Variants in CACNA1H observed in about 807,000 individuals in gnomAD.
CACNA1H encodes the protein voltage-dependent T-type calcium channel subunit alpha-1H.
Under a neutral mutation model 192.5 loss-of-function variants are expected in CACNA1H, and 149 were observed. The ratio of observed to expected loss-of-function variants is 0.77; its 90% CI spans 0.68 to 0.89. The LOEUF (loss-of-function observed/expected upper bound fraction) is 0.89. Ranked by LOEUF, CACNA1H falls within the 40% of genes least tolerant of loss-of-function variation. The pLI, the probability that CACNA1H is intolerant of heterozygous loss-of-function variation, is 0.00. For synonymous variants in CACNA1H, 2,202 were observed against 1,475.2 expected (o/e 1.49, Z -11.29); for missense variants, 4,257 against 3,423.5 (o/e 1.24, Z -6.08).
In CACNA1H at chr16:1,212,098, AGAG is replaced by A. The variant is rs1447090901; in HGVS notation, c.4723_4725del (p.Glu1575del). ...AGGAGGCGGAGGAGGCGCGGCGGCG[AGAG>A]GAGAAGCGGCTGCGGCGCCTAGAGA... On this transcript the variant is annotated inframe_deletion, in exon 25 of 35. Transcript: ENST00000348261. The A allele has an allele frequency of 3.1e-6, 5 of 1,611,316 alleles. No homozygotes were observed. The highest frequency in any genetic ancestry group is 2.2e-5 in the East Asian group (1 of 44,876).
In CACNA1H at chr16:1,209,364, C is replaced by T. The variant is rs749776546; in HGVS notation, c.3696C>T (p.Ile1232=). The stretch of plus-strand genomic sequence containing the variant: ...TGCCCAGCGACTTCTTCCTGCGCAT[C>T]GACAGCCACCGTGAGGATGCAGCCG... ...VALPSDFFLR[I]DSHREDAAEL... Residue 1232 remains isoleucine (I), a synonymous_variant, in exon 17 of 35, where the codon ATC becomes ATT. Coordinates refer to ENST00000348261, the MANE Select transcript of CACNA1H (RefSeq NM_021098.3). The T allele has an allele frequency of 1.6e-5, 26 of 1,598,024 alleles. No homozygotes were observed. The highest frequency in any genetic ancestry group is 9.9e-5 in the South Asian group (9 of 91,076).
Position 1,218,381 on chromosome 16 carries a change from G to A in CACNA1H, c.5617G>A (p.Asp1873Asn). The change falls in exon 33 of 35, where the codon GAT becomes AAT. Residue 1873 changes from aspartate (D) to asparagine (N), a missense_variant. Coordinates refer to ENST00000348261, the MANE Select transcript of CACNA1H (RefSeq NM_021098.3). ...GGAGAGCAACAAGGAGGCACGGGAGGATGCGGAGCTGGACGCCGAGATCGA... is the reference window on the plus strand; with the variant it reads ...GGAGAGCAACAAGGAGGCACGGGAGAATGCGGAGCTGGACGCCGAGATCGA... ...LEESNKEARE[D>N]AELDAEIELE... 6.4e-7 allele frequency: 1 copy of A among 1,561,122 alleles called. No individual in the cohort carries two copies. The highest frequency in any genetic ancestry group is 1.2e-5 in the South Asian group (1 of 84,528).
chr16:1,217,992 C>CA lies in CACNA1H; in HGVS notation c.5398dup (p.Thr1800AsnfsTer25). ...TCAGCAACTTCGGCATGGCCTTCCT[C>CA]ACGCTGTTCCGCGTGTCCACGGGGG... On this transcript the variant is annotated frameshift_variant, in exon 32 of 35. Coordinates refer to ENST00000348261, the MANE Select transcript of CACNA1H (RefSeq NM_021098.3). LOFTEE classifies it high-confidence loss of function. 6.2e-7 allele frequency: 1 copy of CA among 1,603,354 alleles called. No homozygotes were observed. The highest frequency in any genetic ancestry group is 8.5e-7 in the Non-Finnish European group (1 of 1,175,612).
rs1965341367 is a variant in CACNA1H, at chr16:1,180,344, C to G, written c.300-14628C>G. Among the ~76,000 whole-genome samples the G allele has an allele frequency of 6.6e-6, 1 of 152,192 alleles. No homozygotes were observed. The highest frequency in any genetic ancestry group is 2.4e-5 in the African/African-American group (1 of 41,444). Reference sequence around the variant, plus strand: ...GCTGCTGTGGGCTGGGGAGGACGGTCCCATAGCTGGGGGCAGAGCAGGGCA... The same window carrying G: ...GCTGCTGTGGGCTGGGGAGGACGGTGCCATAGCTGGGGGCAGAGCAGGGCA... On this transcript the variant is annotated intron_variant, in intron 2 of 34. Coordinates refer to ENST00000348261, the MANE Select transcript of CACNA1H (RefSeq NM_021098.3). The surrounding 1 kb of genome is among the most constrained non-coding windows in gnomAD (Gnocchi z 4.4).
At chr16:1,178,745 G>A (rs531608659) in intron 2 of CACNA1H, among the ~76,000 whole-genome samples, 5 of 152,216 alleles carry the variant, frequency 3.3e-5, no homozygotes, top group Non-Finnish European at 7.4e-5. Context: ...GAGCTCCTGG[G>A]CAGGTTGGGC....
At position 1,210,667 on chromosome 16, in the gene CACNA1H, G is replaced by A. The variant is rs1414518609; in HGVS notation, c.4038+16G>A. On this transcript the variant is annotated intron_variant, in intron 20 of 34. Transcript: ENST00000348261. ...GATGGTGAAGGTACCGCGGGGCCCG[G>A]GGACTGCCCTTGTTCCCAGGTCCCC... The A allele has an allele frequency of 1.3e-6, 2 of 1,599,652 alleles. No individual in the cohort carries two copies. Among genetic ancestry groups the A allele is most frequent in the Non-Finnish European group, 1.7e-6 (2 of 1,178,944 alleles).
In CACNA1H at chr16:1,168,162, G is replaced by A. The variant is rs373895439; in HGVS notation, c.299+14126G>A. 5.3e-5 allele frequency among the ~76,000 whole-genome samples: 8 copies of A among 151,926 alleles called. No individual in the cohort carries two copies. The East Asian group carries it at 1.4e-3, about 26-fold the overall frequency. ...GACCAGGGCGGCCTCTGGTGCCCCC[G>A]CCCCCTCCAGTTGGGGCGGTTGATG... is the stretch of plus-strand genomic sequence containing the variant. On this transcript the variant is annotated intron_variant, in intron 2 of 34. Coordinates refer to ENST00000348261, the MANE Select transcript of CACNA1H (RefSeq NM_021098.3).
rs1262454591 is a variant in CACNA1H at position 1,153,788 on chromosome 16, G to A, written c.51G>A (p.Ala17=). 1 of 1,229,238 alleles carries A rather than the reference G, an allele frequency of 8.1e-7. No individual in the cohort carries two copies. 76.1% of individuals were successfully genotyped at this position (1,229,238 alleles called of 1,614,324 possible). The part of the protein sequence containing the change: ...AADEVRVPLG[A]PPPGPAALVG... Reference sequence around the variant, plus strand: ...ACGAGGTCCGGGTGCCCCTGGGCGCGCCGCCCCCTGGCCCTGCGGCGTTGG... The same window carrying A: ...ACGAGGTCCGGGTGCCCCTGGGCGCACCGCCCCCTGGCCCTGCGGCGTTGG... Residue 17 remains alanine (A), a synonymous_variant, in exon 2 of 35, where the codon GCG becomes GCA. Coordinates refer to ENST00000348261, the MANE Select transcript of CACNA1H (RefSeq NM_021098.3).
intron 2 of CACNA1H, among the ~76,000 whole-genome samples, chr16:1,173,508 T>G (rs1260470525): frequency 2.6e-5 from 4 of 152,274 alleles, no homozygotes; most frequent in Non-Finnish European, 5.9e-5. Flanking sequence ...TTTTAAAAAA[T>G]TGTTTACTAA....
rs72556372 is a variant in CACNA1H at position 1,207,911 on chromosome 16, G to A, written c.3154+51G>A. 62 of 1,547,048 alleles carry A rather than the reference G, an allele frequency of 4.0e-5. No individual in the cohort carries two copies. In the East Asian group the frequency reaches 1.2e-3, roughly 30 times the overall value. On this transcript the variant is annotated intron_variant, in intron 15 of 34. Coordinates refer to ENST00000348261, the MANE Select transcript of CACNA1H (RefSeq NM_021098.3). Reference sequence around the variant, plus strand: ...GGTTCTGGCGGGTGGAGTACGCTGGGCTGGCCGGGCAGGGCCCCCATAAGG... The same window carrying A: ...GGTTCTGGCGGGTGGAGTACGCTGGACTGGCCGGGCAGGGCCCCCATAAGG...
chr16:1,173,171 G>A (rs1964534438), intron 2 of CACNA1H, among the ~76,000 whole-genome samples: 1 of 152,310 alleles, frequency 6.6e-6, no homozygotes, highest in South Asian at 2.1e-4. Context: ...CGGGCGCGAG[G>A]TGGAGGTGTC....
Position 1,209,116 on chromosome 16 carries a change from C to T in CACNA1H, c.3448C>T (p.Arg1150Cys), listed in dbSNP as rs753993842. The T allele has an allele frequency of 1.9e-5, 30 of 1,554,892 alleles. No homozygotes were observed. Among genetic ancestry groups the T allele is most frequent in the African/African-American group, 1.6e-4 (12 of 73,184 alleles). Residue 1150 changes from arginine to cysteine, a missense_variant, in exon 17 of 35, where the codon CGT becomes TGT. Transcript: ENST00000348261. Reference sequence around the variant, plus strand: ...GCGCTCCAGCTGGAGCAGCCTGGGCCGTGCCCCCAGCCTCAAGCGCCGCGG... The same window carrying T: ...GCGCTCCAGCTGGAGCAGCCTGGGCTGTGCCCCCAGCCTCAAGCGCCGCGG... Reference protein sequence around the residue: ...SRRSSWSSLGRAPSLKRRGQC... With the variant: ...SRRSSWSSLGCAPSLKRRGQC...
chr16:1,153,755 G>A lies in CACNA1H; in HGVS notation c.18G>A (p.Arg6=). ...CCGCCACCATGACCGAGGGCGCACG[G>A]GCCGCCGACGAGGTCCGGGTGCCCC... MTEGA[R]AADEVRVPLG... Residue 6 remains arginine, a synonymous_variant, in exon 2 of 35, where the codon CGG becomes CGA. Coordinates refer to ENST00000348261, the MANE Select transcript of CACNA1H (RefSeq NM_021098.3). The A allele has an allele frequency of 1.6e-6, 2 of 1,214,272 alleles. No homozygotes were observed. Among genetic ancestry groups the A allele is most frequent in the Non-Finnish European group, 2.0e-6 (2 of 976,618 alleles). The allele number at this position is 1,214,272 out of a possible 1,614,324, so 75.2% of individuals were successfully genotyped here.
chr16:1,215,170 G>A, intron 28 of CACNA1H, 72 bp from the exon 29 acceptor site: 1 of 1,580,248 alleles, frequency 6.3e-7, no homozygotes. Flanking sequence ...TTCCCACGGA[G>A]GTCTGCAGAA....
At chr16:1,161,239 G>C (rs1459686685) in intron 2 of CACNA1H, among the ~76,000 whole-genome samples, 2 of 152,354 alleles carry the variant, frequency 1.3e-5, no homozygotes, top group African/African-American at 4.8e-5. Flanking sequence ...TTCCTTTGTG[G>C]ATGGACCGTT....
intron 2 of CACNA1H, among the ~76,000 whole-genome samples, chr16:1,181,635 T>C (rs1211565250): frequency 6.6e-6 from 1 of 152,208 alleles, no homozygotes; most frequent in Admixed American, 6.5e-5. Flanking sequence ...ATAGGTATAT[T>C]AGGTCTCTTT....
rs58725680 is a variant in CACNA1H, at chr16:1,212,090, C to T, written c.4711C>T (p.Arg1571Trp). 50 of 1,611,852 alleles carry T rather than the reference C, an allele frequency of 3.1e-5. No individual in the cohort carries two copies. Among genetic ancestry groups the T allele is most frequent in the Middle Eastern group, 1.7e-4 (1 of 5,786 alleles). ...GCAGCACCAGGAGGCGGAGGAGGCG[C>T]GGCGGCGAGAGGAGAAGCGGCTGCG... ...CRQHQEAEEA[R>W]RREEKRLRRL... The change falls in exon 25 of 35, where the codon CGG (arginine) becomes TGG (tryptophan). Residue 1571 changes from arginine to tryptophan, a missense_variant. Transcript: ENST00000348261.
Position 1,153,905 on chromosome 16 carries a change from C to G in CACNA1H, c.168C>G (p.Ala56=). The G allele has an allele frequency of 6.9e-7, 1 of 1,453,404 alleles. No homozygotes were observed. The allele number at this position is 1,453,404 out of a possible 1,614,324, so 90.0% of individuals were successfully genotyped here. A position where few individuals can be genotyped will look rare whatever the true frequency, so the allele number is the denominator to read the frequency against. ...LGVSPSESPA[A]ERGAELGADE... ...TGTCACCCTCCGAGAGCCCGGCGGC[C>G]GAGCGCGGCGCGGAGCTGGGTGCCG... is the stretch of plus-strand genomic sequence containing the variant. The change falls in exon 2 of 35, where the codon GCC becomes GCG. Residue 56 remains alanine (A), a synonymous_variant. Coordinates refer to ENST00000348261, the MANE Select transcript of CACNA1H (RefSeq NM_021098.3).
In CACNA1H at chr16:1,153,127, C is replaced by T. The variant is rs1273703015; in HGVS notation, c.-362C>T. On this transcript the variant is annotated 5_prime_UTR_variant, in exon 1 of 35. Transcript: ENST00000348261. ...GCTCAGCCCGAAGTTTCCTGCGCCG[C>T]GCGCGGACGGGCTCGAGGCTCGCTC... is the stretch of plus-strand genomic sequence containing the variant. 1 of 144,608 alleles carries T rather than the reference C, an allele frequency of 6.9e-6. No individual in the cohort carries two copies. Among genetic ancestry groups the T allele is most frequent in the African/African-American group, 2.5e-5 (1 of 40,260 alleles). The allele number at this position is 144,608 out of a possible 1,614,324, so 9.0% of individuals were successfully genotyped here.
Sources: gnomAD v4.1 joint callset for allele counts (sites outside exome capture counted in the v4.1 genomes callset) on GRCh38, gnomAD v4.1.1 for gene constraint, Gnocchi (gnomAD v3.1) non-coding constraint, MANE v1.5 for transcripts, NCBI Gene and HGNC (gene_info 2026-07-23, HGNC 2026-07-21) for gene names.